SLC25A21: variants seen among roughly 807,000 people sequenced by gnomAD.
SLC25A21 encodes the protein mitochondrial 2-oxodicarboxylate carrier.
SLC25A21 carries 47 observed loss-of-function variants against 43.8 expected under a neutral mutation model. The observed-to-expected ratio is 1.07, with a 90% CI of 0.85 to 1.37. The LOEUF (loss-of-function observed/expected upper bound fraction) is 1.37. Ranked by LOEUF, SLC25A21 falls within the 40% of genes most tolerant of loss-of-function variation. The pLI is 0.00. For synonymous variants in SLC25A21, 131 were observed against 121.3 expected, an observed-to-expected ratio of 1.08 and a Z score of -0.52; for missense variants, 352 against 350.2, an observed-to-expected ratio of 1.00 and a Z score of -0.04.
Position 37,172,258 on chromosome 14 carries a change from G to A in SLC25A21, c.70+23C>T, listed in dbSNP as rs867864642. 26 of 1,573,010 alleles carry A rather than the reference G, an allele frequency of 1.7e-5. 1 individual carries two copies. The Middle Eastern group carries it at 1.2e-3, about 73-fold the overall frequency. ...GTGGGGAAAGCGACTAGCCTCCGGCGGGGCAGGGCGGGCTGTCCTTACCTG... is the reference window on the plus strand; with the variant it reads ...GTGGGGAAAGCGACTAGCCTCCGGCAGGGCAGGGCGGGCTGTCCTTACCTG... On this transcript the variant is annotated intron_variant, in intron 1 of 9. Coordinates refer to ENST00000331299, the MANE Select transcript of SLC25A21 (RefSeq NM_030631.4).
chr14:36,817,378 G>C (rs1166678900), intron 2 of SLC25A21, among the ~76,000 whole-genome samples: 3 of 152,154 alleles, frequency 2.0e-5, no homozygotes, highest in African/African-American at 7.2e-5. Flanking sequence ...GAGTCAGAGA[G>C]TAAATCAGGA....
intron 1 of SLC25A21, among the ~76,000 whole-genome samples, chr14:37,051,953 G>A (rs1484110781): frequency 1.3e-5 from 2 of 152,344 alleles, no homozygotes; most frequent in East Asian, 3.9e-4. Context: ...AAGCAGCCTG[G>A]AGAGGAGTGA....
chr14:36,796,755 T>C (rs971572850), intron 3 of SLC25A21, among the ~76,000 whole-genome samples: 3 of 152,336 alleles, frequency 2.0e-5, no homozygotes, highest in African/African-American at 7.2e-5. Context: ...AAGATCCATG[T>C]GGACACTTAG....
At chr14:36,764,080 G>GA (rs753204466) in intron 3 of SLC25A21, among the ~76,000 whole-genome samples, 2,670 of 41,888 alleles carry the variant, frequency 0.064, 225 homozygotes, top group South Asian at 0.15. Flanking sequence ...AAGAAAGAAA[G>GA]AAGGAAGGAA....
intron 2 of SLC25A21, among the ~76,000 whole-genome samples, chr14:36,849,896 A>T (rs1403730283): frequency 6.6e-6 from 1 of 151,976 alleles, no homozygotes; most frequent in Non-Finnish European, 1.5e-5. Context: ...CTCACTGTTA[A>T]TTAATTAATT....
intron 1 of SLC25A21, among the ~76,000 whole-genome samples, chr14:37,146,628 TGTC>T (rs1963669859): frequency 6.6e-6 from 1 of 152,214 alleles, no homozygotes; most frequent in Admixed American, 6.5e-5. Flanking sequence ...TAATAAATGA[TGTC>T]ATTATTTTAC....
intron 2 of SLC25A21, among the ~76,000 whole-genome samples, chr14:36,864,560 G>C (rs915521126): frequency 1.3e-5 from 2 of 152,204 alleles, no homozygotes; most frequent in Non-Finnish European, 2.9e-5. Flanking sequence ...ACAAATGCCA[G>C]AGAAACCCTA....
rs373288698 is a variant in SLC25A21 at position 37,082,842 on chromosome 14, AG to A, written c.70+89438del. 3.3e-4 allele frequency among the ~76,000 whole-genome samples: 50 copies of A among 152,322 alleles called. No individual in the cohort carries two copies. The East Asian group carries it at 9.3e-3, about 28-fold the overall frequency. On this transcript the variant is annotated intron_variant, in intron 1 of 9. Transcript: ENST00000331299. ...TAGGATTTTTTTAAAGTGTTTCTTC[AG>A]TAATACTAAAGAAGGATATTTTGAA...
chr14:36,863,333 C>T (rs1218955587), intron 2 of SLC25A21, among the ~76,000 whole-genome samples: 1 of 152,016 alleles, frequency 6.6e-6, no homozygotes, highest in Non-Finnish European at 1.5e-5. Flanking sequence ...TCTTCTAAGA[C>T]CATTTAATTA....
At chr14:36,766,195 G>C (rs1033089079) in intron 3 of SLC25A21, among the ~76,000 whole-genome samples, 3 of 152,082 alleles carry the variant, frequency 2.0e-5, no homozygotes, top group Admixed American at 1.3e-4. Context: ...CCCATCAGTG[G>C]GTTATGAAAG....
In SLC25A21 at chr14:36,999,796, G is replaced by T. The variant is rs568717979; in HGVS notation, c.71-124792C>A. On this transcript the variant is annotated intron_variant, in intron 1 of 9. Transcript: ENST00000331299. ...CAACTGAAAAGTTGGGGACCAAATA[G>T]AAGCAGATTGCTTGAAGGCTCACAA... is the stretch of plus-strand genomic sequence containing the variant. Among the ~76,000 whole-genome samples the T allele has an allele frequency of 5.3e-5, 8 of 152,220 alleles. No individual in the cohort carries two copies. In the East Asian group the frequency reaches 1.3e-3, roughly 26 times the overall value.
At chr14:36,816,660 T>C (rs1043579323) in intron 2 of SLC25A21, among the ~76,000 whole-genome samples, 1 of 151,890 alleles carries the variant, frequency 6.6e-6, no homozygotes, top group Non-Finnish European at 1.5e-5. Context: ...CCATCATGCC[T>C]AGCTAATTTT....
At chr14:37,160,634 T>C (rs576606348) in intron 1 of SLC25A21, among the ~76,000 whole-genome samples, 5 of 152,042 alleles carry the variant, frequency 3.3e-5, no homozygotes, top group East Asian at 1.9e-4. Flanking sequence ...AGTGAGATAG[T>C]AGAAATAAAT....
At chr14:36,727,625 T>C (rs1010930511) in intron 5 of SLC25A21, among the ~76,000 whole-genome samples, 1 of 151,852 alleles carries the variant, frequency 6.6e-6, no homozygotes, top group Non-Finnish European at 1.5e-5. Flanking sequence ...GAGGCGGAGG[T>C]TGCAGCGAGC....
chr14:36,825,851 C>T (rs763739026), intron 2 of SLC25A21, among the ~76,000 whole-genome samples: 14 of 152,104 alleles, frequency 9.2e-5, no homozygotes, highest in Admixed American at 2.6e-4. Context: ...TTTAAATTTC[C>T]GCTGGGGTGA....
chr14:36,735,812 CTTTTT>C (rs58500416), intron 3 of SLC25A21, among the ~76,000 whole-genome samples: 1 of 131,682 alleles, frequency 7.6e-6, no homozygotes. Flanking sequence ...TCCCAGAATC[CTTTTT>C]TTTTTTTTTT....
At chr14:36,994,386 T>G (rs1417219608) in intron 1 of SLC25A21, among the ~76,000 whole-genome samples, 1 of 152,194 alleles carries the variant, frequency 6.6e-6, no homozygotes, top group Non-Finnish European at 1.5e-5. Flanking sequence ...TAATCAGACA[T>G]TTCCTTTTCA....
At chr14:36,699,129 T>G (rs975386374) in intron 7 of SLC25A21, among the ~76,000 whole-genome samples, 8 of 151,816 alleles carry the variant, frequency 5.3e-5, no homozygotes, top group Non-Finnish European at 1.0e-4. Context: ...TTTTTTTTTT[T>G]TTAATTTGGA....
intron 1 of SLC25A21, among the ~76,000 whole-genome samples, chr14:37,027,238 T>G (rs1235802751): frequency 7.5e-6 from 1 of 132,612 alleles, no homozygotes; most frequent in Non-Finnish European, 1.5e-5. Flanking sequence ...GATAATGACT[T>G]GACAGCTAAT....
Sources: gnomAD v4.1 joint callset for allele counts (sites outside exome capture counted in the v4.1 genomes callset) on GRCh38, gnomAD v4.1.1 for gene constraint, MANE v1.5 for transcripts, NCBI Gene and HGNC (gene_info 2026-07-23, HGNC 2026-07-21) for gene names.